SIGLEC7: variants seen among roughly 807,000 people sequenced by gnomAD.
SIGLEC7 encodes the protein sialic acid binding Ig like lectin 7, also known as sialic acid-binding Ig-like lectin 7.
Under a neutral mutation model 40.8 loss-of-function variants are expected in SIGLEC7, and 33 were observed. The ratio of observed to expected loss-of-function variants is 0.81; its 90% CI spans 0.61 to 1.08. The LOEUF (loss-of-function observed/expected upper bound fraction) is 1.08. Ranked by LOEUF, SIGLEC7 falls within the 50% of genes least tolerant of loss-of-function variation. The pLI, the probability that SIGLEC7 is intolerant of heterozygous loss-of-function variation, is 0.00. For synonymous variants in SIGLEC7, 242 were observed against 237.6 expected (o/e 1.02, Z -0.17); for missense variants, 513 against 576.1 (o/e 0.89, Z 1.12).
chr19:51,143,879 G>A (rs2092087846), intron 1 of SIGLEC7: 1 of 454,510 alleles, frequency 2.2e-6, no homozygotes, highest in Non-Finnish European at 4.4e-6. Context: ...GTTGGTGATG[G>A]TGCAGGAGGG....
chr19:51,148,851 A>AT (rs964806847), intron 6 of SIGLEC7, among the ~76,000 whole-genome samples: 12 of 151,848 alleles, frequency 7.9e-5, no homozygotes, highest in Admixed American at 3.3e-4. Context: ...AGCCTCTGTG[A>AT]TTTTTTTTAC....
chr19:51,142,401 G>A lies in SIGLEC7; in HGVS notation c.32G>A (p.Trp11Ter), dbSNP rs1163498273. 1 of 1,614,000 alleles carries A rather than the reference G, an allele frequency of 6.2e-7. No homozygotes were observed. Among genetic ancestry groups the A allele is most frequent in the Non-Finnish European group, 8.5e-7 (1 of 1,179,976 alleles). Residue 11 changes from tryptophan to a stop codon, truncating the protein, a stop_gained, in exon 1 of 7, where the codon TGG (tryptophan) becomes TAG (stop). Transcript: ENST00000317643. LOFTEE classifies it high-confidence loss of function. This position sits in a 1 kb window ranked among gnomAD's most constrained non-coding sequence, Gnocchi z 5.0. MLLLLLLPLL[W>*]GRERVEGQKS... is the part of the protein sequence containing the mutation. ...CTGCTGCTGCTGCTGCCCCTGCTCT[G>A]GGGGAGGGAGAGGGTGGAAGGACAG... is the stretch of plus-strand genomic sequence containing the variant.
At position 51,142,544 on chromosome 19, in the gene SIGLEC7, G is replaced by T; in HGVS notation, c.175G>T (p.Asp59Tyr). Residue 59 changes from aspartate (D) to tyrosine (Y), a missense_variant, in exon 1 of 7, where the codon GAC becomes TAC. Coordinates refer to ENST00000317643, the MANE Select transcript of SIGLEC7 (RefSeq NM_014385.4). The surrounding 1 kb of genome is among the most constrained non-coding windows in gnomAD (Gnocchi z 5.0). ...SYPVDSQTDS[D>Y]PVHGYWFRAG... ...CCCAGTGGACAGCCAGACTGACTCT[G>T]ACCCAGTTCATGGCTACTGGTTCCG... 1.9e-6 allele frequency: 3 copies of T among 1,614,186 alleles called. No homozygotes were observed. In the South Asian group the frequency reaches 3.3e-5, roughly 18 times the overall value.
chr19:51,142,429 G>A lies in SIGLEC7; in HGVS notation c.60G>A (p.Lys20=). The A allele has an allele frequency of 6.2e-7, 1 of 1,614,154 alleles. No individual in the cohort carries two copies. The highest frequency in any genetic ancestry group is 8.5e-7 in the Non-Finnish European group (1 of 1,179,996). The change falls in exon 1 of 7, where the codon AAG becomes AAA. Residue 20 remains lysine (K), a synonymous_variant. Coordinates refer to ENST00000317643, the MANE Select transcript of SIGLEC7 (RefSeq NM_014385.4). This position sits in a 1 kb window ranked among gnomAD's most constrained non-coding sequence, Gnocchi z 5.0. ...GGAGGGAGAGGGTGGAAGGACAGAA[G>A]AGTAACCGGAAGGATTACTCGCTGA... ...LWGRERVEGQ[K]SNRKDYSLTM...
At chr19:51,151,457 T>G (rs1270676200) in intron 6 of SIGLEC7, among the ~76,000 whole-genome samples, 1 of 151,614 alleles carries the variant, frequency 6.6e-6, no homozygotes, top group Non-Finnish European at 1.5e-5. Context: ...GAGAAAGGAG[T>G]GGGCTGGGGG....
chr19:51,144,568 C>T lies in SIGLEC7; in HGVS notation c.596C>T (p.Ser199Phe). 6.2e-7 allele frequency: 1 copy of T among 1,613,876 alleles called. No homozygotes were observed. Among genetic ancestry groups the T allele is most frequent in the Non-Finnish European group, 8.5e-7 (1 of 1,179,938 alleles). ...VSPLHPSTTR[S>F]SVLTLIPQPQ... is the part of the protein sequence containing the mutation. Reference sequence around the variant, plus strand: ...CCCCTGCACCCCTCCACCACCCGCTCCTCAGTGCTCACCCTCATCCCACAG... The same window carrying T: ...CCCCTGCACCCCTCCACCACCCGCTTCTCAGTGCTCACCCTCATCCCACAG... The change falls in exon 2 of 7, where the codon TCC (serine) becomes TTC (phenylalanine). Residue 199 changes from serine to phenylalanine, a missense_variant. By Grantham distance (155) the Ser-to-Phe change is radical. Transcript: ENST00000317643.
intron 1 of SIGLEC7, chr19:51,143,871 T>G (rs2092087831): frequency 6.8e-6 from 3 of 443,550 alleles, no homozygotes; most frequent in South Asian, 5.4e-5. Context: ...GTGCTGGAGT[T>G]GGTGATGGTG....
At position 51,144,623 on chromosome 19, in the gene SIGLEC7, T is replaced by A; in HGVS notation, c.651T>A (p.Cys217Ter). The change falls in exon 2 of 7, where the codon TGT (cysteine) becomes TGA (stop). Residue 217 changes from cysteine to a stop codon, truncating the protein, a stop_gained. Coordinates refer to ENST00000317643, the MANE Select transcript of SIGLEC7 (RefSeq NM_014385.4). LOFTEE classifies it high-confidence loss of function. Reference sequence around the variant, plus strand: ...AGCACCACGGCACCAGCCTCACCTGTCAGGTGACCTTGCCTGGGGCCGGCG... The same window carrying A: ...AGCACCACGGCACCAGCCTCACCTGACAGGTGACCTTGCCTGGGGCCGGCG... ...QPQHHGTSLT[C>*]QVTLPGAGVT... 1 of 1,613,968 alleles carries A rather than the reference T, an allele frequency of 6.2e-7. No homozygotes were observed. Among genetic ancestry groups the A allele is most frequent in the Non-Finnish European group, 8.5e-7 (1 of 1,179,992 alleles).
intron 6 of SIGLEC7, among the ~76,000 whole-genome samples, chr19:51,151,101 G>A (rs1239059099): frequency 1.3e-5 from 2 of 152,188 alleles, no homozygotes; most frequent in African/African-American, 2.4e-5. Flanking sequence ...TAGACAGGAG[G>A]CTGGTGAACA....
In SIGLEC7 at chr19:51,145,841, C is replaced by A; in HGVS notation, c.761-14C>A. Reference sequence around the variant, plus strand: ...TCACTTTGTCTCTTTGAACCTCCAACTTTTTCTCTACAGCATCCACAGCTC... The same window carrying A: ...TCACTTTGTCTCTTTGAACCTCCAAATTTTTCTCTACAGCATCCACAGCTC... On this transcript the variant is annotated splice_polypyrimidine_tract_variant and intron_variant, in intron 3 of 6. Transcript: ENST00000317643. The surrounding 1 kb of genome is among the most constrained non-coding windows in gnomAD (Gnocchi z 4.3). The A allele has an allele frequency of 3.1e-6, 5 of 1,613,788 alleles. No homozygotes were observed. Among genetic ancestry groups the A allele is most frequent in the Non-Finnish European group, 4.2e-6 (5 of 1,179,816 alleles).
At chr19:51,152,472 C>T (rs911891152) in intron 6 of SIGLEC7, among the ~76,000 whole-genome samples, 1 of 152,192 alleles carries the variant, frequency 6.6e-6, no homozygotes, top group Non-Finnish European at 1.5e-5. Flanking sequence ...GAGTTGTCCT[C>T]CCCATACCAC....
In SIGLEC7 at chr19:51,145,985, C is replaced by G. The variant is rs746897733; in HGVS notation, c.891C>G (p.Pro297=). The G allele has an allele frequency of 6.2e-7, 1 of 1,614,230 alleles. No homozygotes were observed. ...SWTWRSLTLY[P]SQPSNPLVLE... is the part of the protein sequence containing the mutation. Reference sequence around the variant, plus strand: ...CCTGGAGGAGTCTGACCCTGTACCCCTCACAGCCCTCAAACCCTCTGGTAC... The same window carrying G: ...CCTGGAGGAGTCTGACCCTGTACCCGTCACAGCCCTCAAACCCTCTGGTAC... The change falls in exon 4 of 7, where the codon CCC becomes CCG. Residue 297 remains proline, a synonymous_variant. Transcript: ENST00000317643. The surrounding 1 kb of genome is among the most constrained non-coding windows in gnomAD (Gnocchi z 4.3).
In SIGLEC7 at chr19:51,146,854, A is replaced by G; in HGVS notation, c.1124+4A>G. The G allele has an allele frequency of 2.5e-6, 4 of 1,613,034 alleles. No individual in the cohort carries two copies. The highest frequency in any genetic ancestry group is 3.4e-6 in the Non-Finnish European group (4 of 1,179,254). On this transcript the variant is annotated splice_donor_region_variant and intron_variant, in intron 5 of 6. Transcript: ENST00000317643. ...CCTTCTGTGTCATCTTCATTGTGTG[A>G]GCACTGACCCTAGGGAGGGAGGGAG...
In SIGLEC7 at chr19:51,146,104, T is replaced by G; in HGVS notation, c.1010T>G (p.Leu337Arg). The G allele has an allele frequency of 6.2e-7, 1 of 1,614,172 alleles. No individual in the cohort carries two copies. ...CAGCACGTTTCCCTGAACCTCTCCC[T>G]GCAACAGGAGTACACAGGTGGGTAA... is the stretch of plus-strand genomic sequence containing the variant. ...GSQHVSLNLS[L>R]QQEYTGKMRP... Residue 337 changes from leucine to arginine, a missense_variant, in exon 4 of 7, where the codon CTG becomes CGG. Physicochemically the swap from Leu to Arg is moderately radical, Grantham distance 102. Coordinates refer to ENST00000317643, the MANE Select transcript of SIGLEC7 (RefSeq NM_014385.4).
At chr19:51,143,433 G>C (rs2092083420) in intron 1 of SIGLEC7, among the ~76,000 whole-genome samples, 1 of 152,138 alleles carries the variant, frequency 6.6e-6, no homozygotes, top group South Asian at 2.1e-4. Flanking sequence ...CGATGGTCCA[G>C]AGGCCGGGAG....
Position 51,142,474 on chromosome 19 carries a change from C to G in SIGLEC7, c.105C>G (p.Thr35=). The G allele has an allele frequency of 6.2e-7, 1 of 1,614,166 alleles. No homozygotes were observed. The highest frequency in any genetic ancestry group is 8.5e-7 in the Non-Finnish European group (1 of 1,180,030). Reference sequence around the variant, plus strand: ...CGCTGACGATGCAGAGTTCCGTGACCGTGCAAGAGGGCATGTGTGTCCATG... The same window carrying G: ...CGCTGACGATGCAGAGTTCCGTGACGGTGCAAGAGGGCATGTGTGTCCATG... ...DYSLTMQSSV[T]VQEGMCVHVR... The change falls in exon 1 of 7, where the codon ACC becomes ACG. Residue 35 remains threonine, a synonymous_variant. Transcript: ENST00000317643. This position sits in a 1 kb window ranked among gnomAD's most constrained non-coding sequence, Gnocchi z 5.0.
At chr19:51,143,380 G>A (rs145150225) in intron 1 of SIGLEC7, among the ~76,000 whole-genome samples, 4 of 151,880 alleles carry the variant, frequency 2.6e-5, no homozygotes, top group African/African-American at 4.8e-5. Flanking sequence ...TGAGGTCCTC[G>A]GAGATCCACA....
At chr19:51,152,613 C>A (rs1266594884) in intron 6 of SIGLEC7, among the ~76,000 whole-genome samples, 2 of 152,108 alleles carry the variant, frequency 1.3e-5, no homozygotes, top group Non-Finnish European at 2.9e-5. Context: ...TCATTTTTGC[C>A]AAATTCCCTC....
rs528193613 is a variant in SIGLEC7 at position 51,142,450 on chromosome 19, G to A, written c.81G>A (p.Ser27=). The A allele has an allele frequency of 2.0e-5, 33 of 1,614,054 alleles. 1 individual carries two copies. The highest frequency in any genetic ancestry group is 5.5e-5 in the South Asian group (5 of 91,086). ...AGAAGAGTAACCGGAAGGATTACTC[G>A]CTGACGATGCAGAGTTCCGTGACCG... is the stretch of plus-strand genomic sequence containing the variant. The part of the protein sequence containing the change: ...EGQKSNRKDY[S]LTMQSSVTVQ... The change falls in exon 1 of 7, where the codon TCG becomes TCA. Residue 27 remains serine (S), a synonymous_variant. Transcript: ENST00000317643. This position sits in a 1 kb window ranked among gnomAD's most constrained non-coding sequence, Gnocchi z 5.0.
Sources: allele counts gnomAD v4.1 joint callset (sites outside exome capture counted in the v4.1 genomes callset), GRCh38; gene constraint gnomAD v4.1.1; non-coding constraint Gnocchi (gnomAD v3.1); transcripts MANE v1.5; gene names NCBI Gene and HGNC (gene_info 2026-07-23, HGNC 2026-07-21).